The following PDS5A variants were observed in gnomAD, a reference collection of about 807,000 sequenced individuals.
PDS5A encodes the protein sister chromatid cohesion protein PDS5 homolog A.
PDS5A carries 42 observed loss-of-function variants against 167.1 expected under a neutral mutation model. That is an observed-to-expected ratio of 0.25 (90% CI 0.20 to 0.33). PDS5A has a LOEUF of 0.33. Among genes scored for constraint, PDS5A ranks in the 10% least tolerant of loss-of-function variants. The probability of loss-of-function intolerance (pLI) is 1.00; values close to 1 mark genes in which losing one functional copy is unlikely to be tolerated. For missense variants in PDS5A, 1,033 were observed against 1,605.9 expected, an observed-to-expected ratio of 0.64 and a Z score of 6.10; for synonymous variants, 553 against 554.6, an observed-to-expected ratio of 1.00 and a Z score of 0.04.
At chr4:39,893,890 C>T (rs894027930) in intron 16 of PDS5A, among the ~76,000 whole-genome samples, 6 of 152,192 alleles carry the variant, frequency 3.9e-5, no homozygotes, top group African/African-American at 1.4e-4. Context: ...TCACTGGTTC[C>T]TAATATCAAG....
At chr4:39,839,496 G>A (rs1716748019) in intron 31 of PDS5A, among the ~76,000 whole-genome samples, 1 of 151,990 alleles carries the variant, frequency 6.6e-6, no homozygotes, top group African/African-American at 2.4e-5. Context: ...TTGAACCCAG[G>A]AGGCGGAGGT....
intron 26 of PDS5A, among the ~76,000 whole-genome samples, chr4:39,852,569 G>A (rs925176634): frequency 2.0e-5 from 3 of 152,102 alleles, no homozygotes; most frequent in African/African-American, 7.2e-5. Context: ...AAGAATGCTT[G>A]CCTTGCATTC....
At chr4:39,943,738 C>T (rs1001677236) in intron 2 of PDS5A, among the ~76,000 whole-genome samples, 14 of 151,548 alleles carry the variant, frequency 9.2e-5, no homozygotes, top group Admixed American at 2.6e-4. Context: ...ACCTGGGAGG[C>T]GGCGGTTGCA....
chr4:39,843,490 T>A (rs900968618), intron 30 of PDS5A, among the ~76,000 whole-genome samples: 2 of 152,172 alleles, frequency 1.3e-5, no homozygotes, highest in African/African-American at 4.8e-5. Flanking sequence ...TCCCAGCACT[T>A]TGGGAGTCCA....
At chr4:39,839,005 C>T (rs555967662) in intron 31 of PDS5A, among the ~76,000 whole-genome samples, 7 of 151,676 alleles carry the variant, frequency 4.6e-5, no homozygotes, top group Non-Finnish European at 8.8e-5. Context: ...AAAAAAATTG[C>T]AATAATAAAA....
chr4:39,829,780 T>A, intron 32 of PDS5A, among the ~76,000 whole-genome samples: 1 of 151,442 alleles, frequency 6.6e-6, no homozygotes, highest in African/African-American at 2.4e-5. Flanking sequence ...TGAAACCCTG[T>A]CTCCACTAAA....
intron 17 of PDS5A, among the ~76,000 whole-genome samples, chr4:39,888,703 A>G (rs1721708003): frequency 6.6e-6 from 1 of 151,438 alleles, no homozygotes; most frequent in African/African-American, 2.4e-5. Flanking sequence ...AAAAAAAACA[A>G]ATATTGCATA....
intron 2 of PDS5A, among the ~76,000 whole-genome samples, chr4:39,943,756 G>A (rs966389903): frequency 2.0e-5 from 3 of 151,692 alleles, no homozygotes; most frequent in Admixed American, 1.3e-4. Flanking sequence ...GCAGTGAGCC[G>A]AGATCGTATC....
At chr4:39,894,492 C>G (rs1293476045) in intron 16 of PDS5A, among the ~76,000 whole-genome samples, 14 of 152,076 alleles carry the variant, frequency 9.2e-5, no homozygotes, top group Admixed American at 9.2e-4. Flanking sequence ...TTGGCACATC[C>G]ACATTCATAG....
chr4:39,875,352 A>AT (rs142461905), intron 19 of PDS5A, among the ~76,000 whole-genome samples: 4,042 of 152,224 alleles, frequency 0.027, 161 homozygotes, highest in East Asian at 0.18. Context: ...ATTTCGTTAT[A>AT]TTTTTTCTAG....
In PDS5A at chr4:39,831,768, T is replaced by C. The variant is rs560213109; in HGVS notation, c.4010+6088A>G. On this transcript the variant is annotated intron_variant, in intron 32 of 32. Transcript: ENST00000303538. ...GGCGCATGCCTGTAATCCCAGCTAC[T>C]AGGGAGGCTGAGGCAGGAGAATTGC... 8.2e-4 allele frequency among the ~76,000 whole-genome samples: 116 copies of C among 141,396 alleles called. 3 individuals carry two copies. Among genetic ancestry groups the C allele is most frequent in the Non-Finnish European group, 6.4e-4 (43 of 66,692 alleles). 92.8% of individuals were successfully genotyped at this position (141,396 alleles called of 152,430 possible).
At chr4:39,850,009 A>C (rs1189694064) in intron 26 of PDS5A, among the ~76,000 whole-genome samples, 1 of 152,082 alleles carries the variant, frequency 6.6e-6, no homozygotes, top group Non-Finnish European at 1.5e-5. Context: ...GCGGTGGCTC[A>C]TGCCTGTAAT....
chr4:39,951,920 A>AAAAAAAAC (rs58625322), intron 2 of PDS5A, among the ~76,000 whole-genome samples: 1 of 150,928 alleles, frequency 6.6e-6, no homozygotes, highest in Non-Finnish European at 1.5e-5. Context: ...AAAAAAAAAA[A>AAAAAAAAC]TCTGTATCAC....
At chr4:39,968,278 C>G (rs1341232880) in intron 2 of PDS5A, among the ~76,000 whole-genome samples, 1 of 151,212 alleles carries the variant, frequency 6.6e-6, no homozygotes, top group Non-Finnish European at 1.5e-5. Context: ...TTAAATGTCA[C>G]TTATTAGATG....
chr4:39,851,197 T>C (rs1263512613), intron 26 of PDS5A, among the ~76,000 whole-genome samples: 1 of 152,194 alleles, frequency 6.6e-6, no homozygotes, highest in Admixed American at 6.5e-5. Flanking sequence ...GAGTGCTTAC[T>C]ATCTACTAGG....
chr4:39,894,350 G>A (rs1420903317), intron 16 of PDS5A, among the ~76,000 whole-genome samples: 2 of 152,052 alleles, frequency 1.3e-5, no homozygotes, highest in African/African-American at 4.8e-5. Flanking sequence ...AGAGGTTACG[G>A]TGAGCTGAGA....
Position 39,873,132 on chromosome 4 carries a change from T to G in PDS5A, c.2290A>C (p.Ser764Arg). The G allele has an allele frequency of 6.7e-7, 1 of 1,486,692 alleles. No individual in the cohort carries two copies. Among genetic ancestry groups the G allele is most frequent in the Non-Finnish European group, 9.1e-7 (1 of 1,101,848 alleles). The allele number at this position is 1,486,692 out of a possible 1,614,324, so 92.1% of individuals were successfully genotyped here. A position where few individuals can be genotyped will look rare whatever the true frequency, so the allele number is the denominator to read the frequency against. The change falls in exon 21 of 33, where the codon AGT becomes CGT. Residue 764 changes from serine to arginine, a missense_variant. Coordinates refer to ENST00000303538, the MANE Select transcript of PDS5A (RefSeq NM_001100399.2). ...LAQIFEPLSRSLNADVPEQLI... is the reference protein window; with the variant it reads ...LAQIFEPLSRRLNADVPEQLI... ...TGTTCTGGCACATCAGCATTCAGAC[T>G]CCTACTGAGTGGCTATAAAAATAAA...
intron 12 of PDS5A, among the ~76,000 whole-genome samples, chr4:39,903,305 T>C (rs959133351): frequency 1.3e-5 from 2 of 152,232 alleles, no homozygotes; most frequent in African/African-American, 2.4e-5. Flanking sequence ...CTTACCAATA[T>C]TGGAATATCC....
chr4:39,830,088 C>T (rs1435584059), intron 32 of PDS5A, among the ~76,000 whole-genome samples: 4 of 151,714 alleles, frequency 2.6e-5, no homozygotes, highest in African/African-American at 9.7e-5. Flanking sequence ...GCCAAGTGAC[C>T]TGAGCAAGGT....
Sources: allele counts gnomAD v4.1 joint callset (sites outside exome capture counted in the v4.1 genomes callset), GRCh38; gene constraint gnomAD v4.1.1; transcripts MANE v1.5; gene names NCBI Gene and HGNC (gene_info 2026-07-23, HGNC 2026-07-21).